Variants in EYA2 observed in about 807,000 individuals in gnomAD.
The protein encoded by EYA2 is EYA transcriptional coactivator and phosphatase 2.
Under a neutral mutation model 69.2 loss-of-function variants are expected in EYA2, and 31 were observed. The ratio of observed to expected loss-of-function variants is 0.45; its 90% CI spans 0.34 to 0.60. The LOEUF is 0.60. Among genes scored for constraint, EYA2 ranks in the 20% least tolerant of loss-of-function variants. The probability of loss-of-function intolerance (pLI) is 0.02; values close to 1 mark genes in which losing one functional copy is unlikely to be tolerated. For synonymous variants in EYA2, 257 were observed against 279.4 expected (o/e 0.92, Z 0.80); for missense variants, 622 against 701.2 (o/e 0.89, Z 1.28).
At chr20:47,026,529 C>T (rs994307289) in intron 5 of EYA2, among the ~76,000 whole-genome samples, 6 of 150,930 alleles carry the variant, frequency 4.0e-5, no homozygotes, top group Non-Finnish European at 5.9e-5. Context: ...AAAAAGAAAA[C>T]AAAATGACAA....
intron 1 of EYA2, among the ~76,000 whole-genome samples, chr20:46,909,960 C>T (rs555427543): frequency 6.6e-6 from 1 of 152,302 alleles, no homozygotes; most frequent in South Asian, 2.1e-4. Context: ...TGCTACTATT[C>T]TGCCCTCCAC....
intron 1 of EYA2, among the ~76,000 whole-genome samples, chr20:46,919,096 T>C (rs1009478595): frequency 6.6e-6 from 1 of 152,248 alleles, no homozygotes; most frequent in Admixed American, 6.5e-5. Flanking sequence ...GCAGACATGC[T>C]GTCATCCCGG....
At chr20:46,987,990 A>G (rs1430258315) in intron 1 of EYA2, among the ~76,000 whole-genome samples, 1 of 79,744 alleles carries the variant, frequency 1.3e-5, no homozygotes, top group African/African-American at 6.2e-5. Flanking sequence ...ATATATATAT[A>G]TATATATGGG....
intron 5 of EYA2, among the ~76,000 whole-genome samples, chr20:47,039,843 T>TTTTTTTTTA (rs1984943868): frequency 7.5e-6 from 1 of 133,802 alleles, no homozygotes; most frequent in Admixed American, 7.4e-5. Context: ...TACTTTTTTT[T>TTTTTTTTTA]TTTTTTTTTT....
chr20:47,106,995 T>C (rs951619820), intron 9 of EYA2, among the ~76,000 whole-genome samples: 20 of 152,060 alleles, frequency 1.3e-4, no homozygotes, highest in Non-Finnish European at 2.2e-4. Flanking sequence ...GTTGTCACGG[T>C]GATGGGAGGC....
chr20:47,089,194 C>A, intron 7 of EYA2, 45 bp from the exon 8 acceptor site: 1 of 1,601,542 alleles, frequency 6.2e-7, no homozygotes, highest in Non-Finnish European at 8.5e-7. Context: ...GAGGAGACAC[C>A]CAGCAAAGCT....
chr20:47,100,762 G>A (rs532485291), intron 9 of EYA2, among the ~76,000 whole-genome samples: 1 of 152,346 alleles, frequency 6.6e-6, no homozygotes, highest in African/African-American at 2.4e-5. Flanking sequence ...CTAAGGTGAG[G>A]AATGAATGAG....
chr20:46,956,867 A>G (rs963116738), intron 1 of EYA2, among the ~76,000 whole-genome samples: 4 of 152,230 alleles, frequency 2.6e-5, no homozygotes, highest in African/African-American at 2.4e-5. Context: ...CATGTCTTAC[A>G]TGGCAGCAGG....
intron 2 of EYA2, among the ~76,000 whole-genome samples, chr20:46,991,986 A>AAAAAG (rs10644182): frequency 7.4e-6 from 1 of 134,254 alleles, no homozygotes; most frequent in Non-Finnish European, 1.6e-5. Flanking sequence ...AAAAAAAAAA[A>AAAAAG]CGCTGAAAGC....
At chr20:46,969,500 GTTTC>G (rs1980009999) in intron 1 of EYA2, among the ~76,000 whole-genome samples, 1 of 152,160 alleles carries the variant, frequency 6.6e-6, no homozygotes, top group African/African-American at 2.4e-5. Context: ...GATTTCTCTT[GTTTC>G]TTTCATTCTT....
intron 1 of EYA2, chr20:46,978,657 T>C (rs1489374889): frequency 9.4e-6 from 5 of 534,562 alleles, no homozygotes; most frequent in African/African-American, 5.8e-5. Flanking sequence ...CAGGTTCAGA[T>C]TTATGCTGTC....
intron 1 of EYA2, among the ~76,000 whole-genome samples, chr20:46,981,946 ATTATTCT>A (rs1405546635): frequency 2.0e-5 from 3 of 152,102 alleles, no homozygotes; most frequent in African/African-American, 7.2e-5. Flanking sequence ...TACATTTATT[ATTATTCT>A]TTAAGTGGTT....
At chr20:47,187,462 A>G (rs990463288) in intron 15 of EYA2, among the ~76,000 whole-genome samples, 2 of 114,760 alleles carry the variant, frequency 1.7e-5, no homozygotes, top group Admixed American at 7.9e-5. Flanking sequence ...AAGAAAACAG[A>G]TTAGTGTCAT....
chr20:47,170,080 GT>G (rs1035829986), intron 11 of EYA2, among the ~76,000 whole-genome samples: 1 of 151,368 alleles, frequency 6.6e-6, no homozygotes, highest in Non-Finnish European at 1.5e-5. Context: ...TAATTTTTTT[GT>G]TTTTTTAGTA....
At chr20:47,069,032 C>T (rs965314808) in intron 5 of EYA2, among the ~76,000 whole-genome samples, 3 of 152,184 alleles carry the variant, frequency 2.0e-5, no homozygotes, top group African/African-American at 7.2e-5. Context: ...AGCATCCAGC[C>T]CTAACTTTCT....
Position 46,989,955 on chromosome 20 carries a change from A to G in EYA2, c.-10-46A>G, listed in dbSNP as rs76723615. On this transcript the variant is annotated intron_variant, in intron 1 of 15. Transcript: ENST00000327619. Reference sequence around the variant, plus strand: ...AAAGAAATAGGAATCATTAGCAAGCATGCATAATTAATGAATAAATTATAT... The same window carrying G: ...AAAGAAATAGGAATCATTAGCAAGCGTGCATAATTAATGAATAAATTATAT... 4.4e-3 allele frequency: 4,132 copies of G among 934,950 alleles called. 104 individuals are homozygous for G. The African/African-American group carries it at 0.058, about 13-fold the overall frequency. The allele number at this position is 934,950 out of a possible 1,614,324, so 57.9% of individuals were successfully genotyped here.
At chr20:47,002,815 TC>T (rs1244314622) in intron 3 of EYA2, among the ~76,000 whole-genome samples, 1 of 152,200 alleles carries the variant, frequency 6.6e-6, no homozygotes, top group African/African-American at 2.4e-5. Flanking sequence ...TGAGACACCT[TC>T]CAGGACTGGG....
intron 8 of EYA2, among the ~76,000 whole-genome samples, chr20:47,093,849 C>T (rs530182562): frequency 1.3e-5 from 2 of 152,342 alleles, no homozygotes; most frequent in Admixed American, 6.5e-5. Flanking sequence ...CGCTGAGTCA[C>T]GCAGGCCTGG....
At chr20:47,010,107 T>C (rs1982964573) in intron 4 of EYA2, among the ~76,000 whole-genome samples, 1 of 152,234 alleles carries the variant, frequency 6.6e-6, no homozygotes, top group South Asian at 2.1e-4. Context: ...TCAGCATCTT[T>C]GTGCATTTCT....
Sources: allele counts gnomAD v4.1 joint callset (sites outside exome capture counted in the v4.1 genomes callset), GRCh38; gene constraint gnomAD v4.1.1; transcripts MANE v1.5; gene names NCBI Gene and HGNC (gene_info 2026-07-23, HGNC 2026-07-21).